Variants in ANKRD33B observed in about 807,000 individuals in gnomAD.
ANKRD33B encodes ankyrin repeat domain-containing protein 33B.
Under a neutral mutation model 21.5 loss-of-function variants are expected in ANKRD33B, and 6 were observed. That is an observed-to-expected ratio of 0.28 (90% CI 0.15 to 0.55). The LOEUF is 0.55. ANKRD33B is among the 20% of genes least tolerant of loss of function. The pLI, the probability that ANKRD33B is intolerant of heterozygous loss-of-function variation, is 0.94. For synonymous variants in ANKRD33B, 347 were observed against 342.4 expected (o/e 1.01, Z -0.15); for missense variants, 698 against 747.2 (o/e 0.93, Z 0.77).
intron 2 of ANKRD33B, among the ~76,000 whole-genome samples, chr5:10,625,903 CA>C (rs1736535292): frequency 6.6e-6 from 1 of 152,020 alleles, no homozygotes; most frequent in Non-Finnish European, 1.5e-5. Context: ...GAGGGCTGAA[CA>C]GAGGAGTTGA....
intron 1 of ANKRD33B, among the ~76,000 whole-genome samples, chr5:10,594,221 CTTTTTTTT>C (rs10658307): frequency 4.8e-5 from 4 of 83,164 alleles, no homozygotes; most frequent in East Asian, 3.6e-4. Context: ...ACACATCCTT[CTTTTTTTT>C]TTTTTTTTTT....
chr5:10,628,662 C>T (rs979260542), intron 2 of ANKRD33B, among the ~76,000 whole-genome samples: 10 of 152,186 alleles, frequency 6.6e-5, no homozygotes, highest in African/African-American at 2.2e-4. Context: ...AATAAATAAA[C>T]TTTTCCCAAA....
chr5:10,623,842 C>T (rs1440569994), intron 2 of ANKRD33B, among the ~76,000 whole-genome samples: 2 of 152,222 alleles, frequency 1.3e-5, no homozygotes, highest in Non-Finnish European at 2.9e-5. Context: ...AGGCCTCAGC[C>T]ATTATCCTGC....
chr5:10,578,708 T>G (rs552119242), intron 1 of ANKRD33B, among the ~76,000 whole-genome samples: 3 of 152,346 alleles, frequency 2.0e-5, no homozygotes, highest in African/African-American at 7.2e-5. Flanking sequence ...AAATAATCAT[T>G]TTTAAATTTT....
Position 10,653,305 on chromosome 5 carries a change from G to A in ANKRD33B, c.*3192G>A, listed in dbSNP as rs533268279. On this transcript the variant is annotated 3_prime_UTR_variant, in exon 4 of 4. Coordinates refer to ENST00000296657, the MANE Select transcript of ANKRD33B (RefSeq NM_001164440.2). ...AGAGGAATTTTCCAAGTCAAGGGAAGTGTTGCCAAACCTCTTGCCTCGACC... is the reference window on the plus strand; with the variant it reads ...AGAGGAATTTTCCAAGTCAAGGGAAATGTTGCCAAACCTCTTGCCTCGACC... The A allele has an allele frequency of 1.3e-5, 2 of 152,648 alleles. No homozygotes were observed. Among genetic ancestry groups the A allele is most frequent in the African/African-American group, 4.8e-5 (2 of 41,592 alleles). The allele number at this position is 152,648 out of a possible 1,614,324, so 9.5% of individuals were successfully genotyped here. A position where few individuals can be genotyped will look rare whatever the true frequency, so the allele number is the denominator to read the frequency against.
Position 10,590,194 on chromosome 5 carries a change from G to A in ANKRD33B, c.366+25361G>A, listed in dbSNP as rs144303203. Among the ~76,000 whole-genome samples the A allele has an allele frequency of 9.0e-3, 1,372 of 152,070 alleles. 17 individuals carry two copies. Among genetic ancestry groups the A allele is most frequent in the Middle Eastern group, 0.027 (8 of 294 alleles). ...ATCGTTCTAATTTCTGGATCTTCTG[G>A]GGATGTTTTCTATTTTCTGTTTTTC... On this transcript the variant is annotated intron_variant, in intron 1 of 3. Transcript: ENST00000296657.
chr5:10,592,328 T>C (rs1002089991), intron 1 of ANKRD33B, among the ~76,000 whole-genome samples: 2 of 151,962 alleles, frequency 1.3e-5, no homozygotes, highest in Non-Finnish European at 2.9e-5. Flanking sequence ...AATAGAATCC[T>C]GGCTGGGCGC....
intron 1 of ANKRD33B, among the ~76,000 whole-genome samples, chr5:10,596,714 A>G (rs1391190033): frequency 6.6e-6 from 1 of 152,184 alleles, no homozygotes; most frequent in East Asian, 1.9e-4. Context: ...AAGATGCTCC[A>G]TGAGACCATC....
chr5:10,646,357 T>A (rs951884676), intron 3 of ANKRD33B, among the ~76,000 whole-genome samples: 6 of 152,220 alleles, frequency 3.9e-5, no homozygotes, highest in Non-Finnish European at 8.8e-5. Context: ...GGTACTTATC[T>A]TTTATAATTT....
intron 1 of ANKRD33B, among the ~76,000 whole-genome samples, chr5:10,586,644 A>G (rs1430220713): frequency 6.6e-6 from 1 of 152,116 alleles, no homozygotes; most frequent in Non-Finnish European, 1.5e-5. Flanking sequence ...GCTGTGTGGC[A>G]TCTTAATGCG....
intron 1 of ANKRD33B, among the ~76,000 whole-genome samples, chr5:10,615,465 T>A (rs1277986484): frequency 6.6e-6 from 1 of 152,190 alleles, no homozygotes; most frequent in Non-Finnish European, 1.5e-5. Flanking sequence ...ATTTGTTAAA[T>A]AATGACAATT....
At chr5:10,607,043 A>G (rs983718614) in intron 1 of ANKRD33B, among the ~76,000 whole-genome samples, 1 of 151,982 alleles carries the variant, frequency 6.6e-6, no homozygotes, top group Non-Finnish European at 1.5e-5. Flanking sequence ...TTTTATAAGT[A>G]CATTTTGTGC....
chr5:10,592,677 G>A (rs1009229680), intron 1 of ANKRD33B, among the ~76,000 whole-genome samples: 1 of 151,886 alleles, frequency 6.6e-6, no homozygotes, highest in Non-Finnish European at 1.5e-5. Context: ...CTGCAGATGA[G>A]CTTGCAGTGA....
At chr5:10,640,314 A>G (rs1419959261) in intron 3 of ANKRD33B, among the ~76,000 whole-genome samples, 1 of 152,184 alleles carries the variant, frequency 6.6e-6, no homozygotes, top group Non-Finnish European at 1.5e-5. Context: ...ATCTTGGAGA[A>G]CGCACTTTCC....
rs1737378836 is a variant in ANKRD33B at position 10,652,368 on chromosome 5, G to A, written c.*2255G>A. 1 of 152,442 alleles carries A rather than the reference G, an allele frequency of 6.6e-6. No individual in the cohort carries two copies. The highest frequency in any genetic ancestry group is 1.5e-5 in the Non-Finnish European group (1 of 68,108). 9.4% of individuals were successfully genotyped at this position (152,442 alleles called of 1,614,324 possible). A position where few individuals can be genotyped will look rare whatever the true frequency, so the allele number is the denominator to read the frequency against. ...CGCAGCTCTAACACAGTGATTGCGA[G>A]AGGACACCCATTCTGAGCTCCCACA... On this transcript the variant is annotated 3_prime_UTR_variant, in exon 4 of 4. Coordinates refer to ENST00000296657, the MANE Select transcript of ANKRD33B (RefSeq NM_001164440.2). This position sits in a 1 kb window ranked among gnomAD's most constrained non-coding sequence, Gnocchi z 4.1.
chr5:10,611,040 T>C (rs1185678476), intron 1 of ANKRD33B, among the ~76,000 whole-genome samples: 1 of 152,080 alleles, frequency 6.6e-6, no homozygotes, highest in Non-Finnish European at 1.5e-5. Flanking sequence ...CGAAACTCCT[T>C]CTCAAAATAA....
intron 1 of ANKRD33B, among the ~76,000 whole-genome samples, chr5:10,572,591 C>T (rs1375629619): frequency 6.6e-6 from 1 of 152,162 alleles, no homozygotes; most frequent in Admixed American, 6.5e-5. Flanking sequence ...ACTTACCATC[C>T]CCACAACACA....
chr5:10,622,692 G>A (rs554942804), intron 2 of ANKRD33B, among the ~76,000 whole-genome samples: 1 of 151,908 alleles, frequency 6.6e-6, no homozygotes, highest in South Asian at 2.1e-4. Flanking sequence ...GGGAGCAATC[G>A]ATCTATTTCA....
At chr5:10,645,521 G>A (rs1368233097) in intron 3 of ANKRD33B, among the ~76,000 whole-genome samples, 1 of 152,210 alleles carries the variant, frequency 6.6e-6, no homozygotes, top group African/African-American at 2.4e-5. Context: ...TGACTAGACA[G>A]TGGCTTAAAG....
Sources: allele counts gnomAD v4.1 joint callset (sites outside exome capture counted in the v4.1 genomes callset), GRCh38; gene constraint gnomAD v4.1.1; non-coding constraint Gnocchi (gnomAD v3.1); transcripts MANE v1.5; gene names NCBI Gene and HGNC (gene_info 2026-07-23, HGNC 2026-07-21).